Variants in CCDC66 observed in about 807,000 individuals in gnomAD.
The protein encoded by CCDC66 is coiled-coil domain containing 66, also known as coiled-coil domain-containing protein 66.
Under a neutral mutation model 128.3 loss-of-function variants are expected in CCDC66, and 133 were observed. The ratio of observed to expected loss-of-function variants is 1.04; its 90% CI spans 0.90 to 1.20. The LOEUF (loss-of-function observed/expected upper bound fraction) is 1.20. CCDC66 is among the 50% of genes most tolerant of loss of function. CCDC66 has a pLI of 0.00. For synonymous variants in CCDC66, 387 were observed against 357.0 expected (o/e 1.08, Z -0.95); for missense variants, 1,126 against 1,075.5 (o/e 1.05, Z -0.66).
rs766603211 is a variant in CCDC66, at chr3:56,615,983, T to G, written c.1773T>G (p.Asp591Glu). The change falls in exon 13 of 18, where the codon GAT (aspartate) becomes GAG (glutamate). Residue 591 changes from aspartate (D) to glutamate (E), a missense_variant. Transcript: ENST00000394672. ...SNISNSRHDSDEISGKMNTYM... is the reference protein window; with the variant it reads ...SNISNSRHDSEEISGKMNTYM... Reference sequence around the variant, plus strand: ...TTTCAAATTCAAGACATGATTCTGATGAAATCAGTGGTAAAATGAATACAT... The same window carrying G: ...TTTCAAATTCAAGACATGATTCTGAGGAAATCAGTGGTAAAATGAATACAT... The G allele has an allele frequency of 2.5e-6, 4 of 1,599,004 alleles. No homozygotes were observed. The highest frequency in any genetic ancestry group is 1.7e-5 in the Admixed American group (1 of 58,554).
intron 6 of CCDC66, among the ~76,000 whole-genome samples, chr3:56,567,659 A>G (rs2066046465): frequency 6.6e-6 from 1 of 151,976 alleles, no homozygotes; most frequent in Non-Finnish European, 1.5e-5. Flanking sequence ...GGGGGAGGAG[A>G]GGCAACCTGG....
intron 17 of CCDC66, 144 bp downstream of exon 17, chr3:56,620,045 C>A: frequency 1.2e-6 from 1 of 842,012 alleles, no homozygotes; most frequent in Non-Finnish European, 1.8e-6. Context: ...GTTTGTTAGA[C>A]ACAAATAAAA....
chr3:56,568,810 G>A (rs1363041696), intron 6 of CCDC66, among the ~76,000 whole-genome samples: 2 of 152,180 alleles, frequency 1.3e-5, no homozygotes, highest in African/African-American at 4.8e-5. Context: ...CCTTATAACA[G>A]AAAAATCTAT....
intron 11 of CCDC66, 61 bp downstream of exon 11, chr3:56,613,811 C>CAAA: frequency 1.4e-6 from 2 of 1,412,374 alleles, no homozygotes; most frequent in Non-Finnish European, 2.0e-6. Flanking sequence ...GACAGGGTCT[C>CAAA]ACTCTTTTGC....
intron 7 of CCDC66, among the ~76,000 whole-genome samples, chr3:56,579,696 A>C (rs2068002451): frequency 6.6e-6 from 1 of 151,876 alleles, no homozygotes; most frequent in African/African-American, 2.4e-5. Context: ...CAGGTTGATC[A>C]GTTTCCATGT....
intron 3 of CCDC66, among the ~76,000 whole-genome samples, chr3:56,561,675 T>G: frequency 6.6e-6 from 1 of 152,226 alleles, no homozygotes; most frequent in East Asian, 1.9e-4. Flanking sequence ...TCCTCATTTC[T>G]TTTTTGCTCT....
intron 10 of CCDC66, among the ~76,000 whole-genome samples, chr3:56,597,830 A>G (rs1227980125): frequency 3.4e-5 from 4 of 116,116 alleles, no homozygotes; most frequent in African/African-American, 9.6e-5. Context: ...GCTGGAGTGC[A>G]GTGGCGCGAT....
chr3:56,580,218 A>T (rs1046170358), intron 7 of CCDC66, among the ~76,000 whole-genome samples: 8 of 151,770 alleles, frequency 5.3e-5, no homozygotes, highest in Non-Finnish European at 8.8e-5. Context: ...TTTATCAGAG[A>T]CTAGGATTGC....
intron 3 of CCDC66, among the ~76,000 whole-genome samples, chr3:56,563,018 T>A (rs1401307718): frequency 6.6e-6 from 1 of 152,022 alleles, no homozygotes; most frequent in Non-Finnish European, 1.5e-5. Context: ...CCCATATAAA[T>A]TGTGAAGTGA....
chr3:56,566,604 T>C lies in CCDC66; in HGVS notation c.555T>C (p.Ser185=), dbSNP rs749912342. Reference sequence around the variant, plus strand: ...TATTTTACCTCCTAGGTCAATATAGTCTATATTTAAACAGTATTTCTAATC... The same window carrying C: ...TATTTTACCTCCTAGGTCAATATAGCCTATATTTAAACAGTATTTCTAATC... ...ENGKEAKSQY[S]LYLNSISNQP... is the part of the protein sequence containing the mutation. Residue 185 remains serine, a synonymous_variant, in exon 5 of 18, where the codon AGT becomes AGC. Transcript: ENST00000394672. The C allele has an allele frequency of 1.3e-6, 2 of 1,566,190 alleles. No individual in the cohort carries two copies. Among genetic ancestry groups the C allele is most frequent in the Non-Finnish European group, 1.8e-6 (2 of 1,138,818 alleles).
At chr3:56,611,459 C>T (rs1200069491) in intron 10 of CCDC66, among the ~76,000 whole-genome samples, 1 of 146,428 alleles carries the variant, frequency 6.8e-6, no homozygotes, top group Admixed American at 7.0e-5. Context: ...GAGTCTGTTT[C>T]CAGGTATAGG....
intron 7 of CCDC66, among the ~76,000 whole-genome samples, chr3:56,589,952 T>C (rs998436525): frequency 2.6e-5 from 4 of 152,188 alleles, no homozygotes; most frequent in African/African-American, 9.7e-5. Context: ...CCAGAGGGAA[T>C]TTAATTAATT....
intron 7 of CCDC66, among the ~76,000 whole-genome samples, chr3:56,584,696 C>A (rs955212030): frequency 6.6e-6 from 1 of 151,812 alleles, no homozygotes; most frequent in Non-Finnish European, 1.5e-5. Flanking sequence ...GGGTGGCGGC[C>A]GGGCAGAGGC....
rs1559587076 is a variant in CCDC66 at position 56,559,527 on chromosome 3, GC to G, written c.77-41del. ...TTTTCTTGCATTACCACCTTAGTAT[GC>G]TTTTGGTGGATAGTTTAGTAATTTC... On this transcript the variant is annotated intron_variant, in intron 2 of 17. Coordinates refer to ENST00000394672, the MANE Select transcript of CCDC66 (RefSeq NM_001141947.3). 1.5e-6 allele frequency: 2 copies of G among 1,378,828 alleles called. 1 individual carries two copies. Among genetic ancestry groups the G allele is most frequent in the South Asian group, 2.7e-5 (2 of 73,904 alleles). The allele number at this position is 1,378,828 out of a possible 1,614,324, so 85.4% of individuals were successfully genotyped here. A position where few individuals can be genotyped will look rare whatever the true frequency, so the allele number is the denominator to read the frequency against.
At chr3:56,567,612 C>T (rs964118548) in intron 6 of CCDC66, among the ~76,000 whole-genome samples, 2 of 152,140 alleles carry the variant, frequency 1.3e-5, no homozygotes, top group South Asian at 2.1e-4. Flanking sequence ...GTTACAGAAA[C>T]AATAGGGGTT....
intron 10 of CCDC66, among the ~76,000 whole-genome samples, chr3:56,605,203 T>G (rs2073896775): frequency 6.6e-6 from 1 of 152,060 alleles, no homozygotes; most frequent in African/African-American, 2.4e-5. Flanking sequence ...CTTCCTTGCA[T>G]TGGGTTAGAA....
chr3:56,563,660 A>G (rs6781293), intron 3 of CCDC66, 24 bp from the exon 4 acceptor site: 636,374 of 1,511,354 alleles, frequency 0.42, 144,392 homozygotes, highest in Non-Finnish European at 0.47. Context: ...AGTTATAAAG[A>G]ATAAGCTTCT....
At chr3:56,606,379 G>T (rs1189683613) in intron 10 of CCDC66, among the ~76,000 whole-genome samples, 2 of 152,054 alleles carry the variant, frequency 1.3e-5, no homozygotes, top group African/African-American at 4.8e-5. Context: ...GCCCAGTTTT[G>T]TGCTTGAAAT....
chr3:56,614,242 T>C (rs964397150), intron 11 of CCDC66, among the ~76,000 whole-genome samples: 6 of 152,314 alleles, frequency 3.9e-5, no homozygotes, highest in Admixed American at 1.3e-4. Context: ...AAATGTTATA[T>C]TGGTTTGGCT....
Sources: allele counts gnomAD v4.1 joint callset (sites outside exome capture counted in the v4.1 genomes callset), GRCh38; gene constraint gnomAD v4.1.1; transcripts MANE v1.5; gene names NCBI Gene and HGNC (gene_info 2026-07-23, HGNC 2026-07-21).